Variants in RIMBP2 observed in about 807,000 individuals in gnomAD.
RIMBP2 encodes the protein RIMS-binding protein 2.
RIMBP2 carries 48 observed loss-of-function variants against 118.6 expected under a neutral mutation model. The ratio of observed to expected loss-of-function variants is 0.40; its 90% CI spans 0.32 to 0.51. RIMBP2 has a LOEUF of 0.51. Among genes scored for constraint, RIMBP2 ranks in the 20% least tolerant of loss-of-function variants. The pLI, the probability that RIMBP2 is intolerant of heterozygous loss-of-function variation, is 0.41. For synonymous variants in RIMBP2, 762 were observed against 742.9 expected, an observed-to-expected ratio of 1.03 and a Z score of -0.42; for missense variants, 1,551 against 1,768.3, an observed-to-expected ratio of 0.88 and a Z score of 2.20.
At chr12:130,435,326 G>C (rs1239041336) in intron 13 of RIMBP2, among the ~76,000 whole-genome samples, 1 of 152,184 alleles carries the variant, frequency 6.6e-6, no homozygotes, top group Non-Finnish European at 1.5e-5. Context: ...TTACAGGCAT[G>C]AGCCACCGCG....
At chr12:130,428,459 C>A (rs369852485) in intron 14 of RIMBP2, 122 bp from the exon 15 acceptor site, 37 of 989,022 alleles carry the variant, frequency 3.7e-5, no homozygotes, top group Non-Finnish European at 5.2e-5. Flanking sequence ...GGCCTAGAGA[C>A]GGGCACAGGG....
intron 4 of RIMBP2, among the ~76,000 whole-genome samples, chr12:130,505,833 C>G (rs1207794072): frequency 6.9e-5 from 1 of 14,390 alleles, no homozygotes; most frequent in Non-Finnish European, 1.3e-4. Flanking sequence ...CCCCCCACCC[C>G]CAGCACCCCC....
Position 130,655,907 on chromosome 12 carries a change from A to G in RIMBP2, c.-351-27451T>C, listed in dbSNP as rs552883888. Among the ~76,000 whole-genome samples the G allele has an allele frequency of 2.6e-5, 4 of 152,316 alleles. No individual in the cohort carries two copies. The East Asian group carries it at 7.7e-4, about 30-fold the overall frequency. On this transcript the variant is annotated intron_variant, in intron 1 of 22. Transcript: ENST00000690449. ...CACCACGCAGCCCATGGCAGAGGAG[A>G]CAAGAGGGAAGATGCTGGGAGAGCC...
rs995490391 is a variant in RIMBP2, at chr12:130,553,556, C to T, written c.-216-35639G>A. 6.6e-5 allele frequency among the ~76,000 whole-genome samples: 10 copies of T among 152,034 alleles called. No homozygotes were observed. In the East Asian group the frequency reaches 1.7e-3, roughly 26 times the overall value. ...CCCAGGAGTTCAAGAACAGCCTGGG[C>T]AACATGGCAGAAACCCGTCTCTACC... On this transcript the variant is annotated intron_variant, in intron 2 of 22. Transcript: ENST00000690449.
intron 1 of RIMBP2, among the ~76,000 whole-genome samples, chr12:130,687,508 G>A (rs991492084): frequency 7.9e-5 from 12 of 152,142 alleles, no homozygotes; most frequent in Admixed American, 2.6e-4. Context: ...ATGTGTGAAA[G>A]GTGGTCTTTG....
At chr12:130,461,157 A>G (rs6486540) in intron 6 of RIMBP2, among the ~76,000 whole-genome samples, 143,428 of 152,154 alleles carry the variant, frequency 0.94, 68,195 homozygotes, top group East Asian at 1. Flanking sequence ...CCCTAGCCAC[A>G]CTGCCCTGCT....
At chr12:130,712,500 T>G (rs1408761719) in intron 1 of RIMBP2, among the ~76,000 whole-genome samples, 3 of 152,154 alleles carry the variant, frequency 2.0e-5, no homozygotes, top group African/African-American at 7.2e-5. Context: ...GCCTTCCACC[T>G]GCACGTCCTG....
intron 1 of RIMBP2, among the ~76,000 whole-genome samples, chr12:130,654,995 G>T (rs936492328): frequency 6.6e-6 from 1 of 152,194 alleles, no homozygotes; most frequent in Non-Finnish European, 1.5e-5. Context: ...ACCTGCTCCC[G>T]TGACCCAAAC....
intron 2 of RIMBP2, among the ~76,000 whole-genome samples, chr12:130,571,258 C>G (rs535849242): frequency 1.3e-5 from 2 of 151,846 alleles, no homozygotes; most frequent in Non-Finnish European, 2.9e-5. Context: ...GAGGCCATGA[C>G]AGAAAACAGC....
chr12:130,482,374 T>C (rs538090883), intron 4 of RIMBP2, among the ~76,000 whole-genome samples: 2 of 152,274 alleles, frequency 1.3e-5, no homozygotes, highest in East Asian at 3.9e-4. Flanking sequence ...CGTGTCTTCA[T>C]GAGAGAACAC....
chr12:130,441,797 A>G (rs754494118), intron 11 of RIMBP2, 51 bp downstream of exon 11: 20 of 1,515,544 alleles, frequency 1.3e-5, no homozygotes, highest in Non-Finnish European at 1.7e-5. Context: ...TAGCAGGGTG[A>G]CATCCTGGCG....
intron 2 of RIMBP2, among the ~76,000 whole-genome samples, chr12:130,554,473 C>G (rs1566252785): frequency 6.6e-6 from 1 of 152,164 alleles, no homozygotes; most frequent in Non-Finnish European, 1.5e-5. Flanking sequence ...GAAATGGATA[C>G]AATATACGGC....
intron 2 of RIMBP2, among the ~76,000 whole-genome samples, chr12:130,564,277 T>G (rs2057050151): frequency 6.6e-6 from 1 of 152,110 alleles, no homozygotes; most frequent in East Asian, 1.9e-4. Flanking sequence ...CTTTTACAAC[T>G]TCTCAGATGT....
chr12:130,528,700 A>G (rs1482130729), intron 2 of RIMBP2, among the ~76,000 whole-genome samples: 1 of 152,242 alleles, frequency 6.6e-6, no homozygotes, highest in Admixed American at 6.5e-5. Flanking sequence ...AACATAGTTA[A>G]ATTTATATTT....
intron 4 of RIMBP2, among the ~76,000 whole-genome samples, chr12:130,489,379 G>A (rs1214017762): frequency 6.6e-6 from 1 of 151,964 alleles, no homozygotes; most frequent in African/African-American, 2.4e-5. Context: ...AACTGCCTCA[G>A]GTCTCTCAGA....
chr12:130,497,109 T>C (rs1434973576), intron 4 of RIMBP2, among the ~76,000 whole-genome samples: 1 of 152,174 alleles, frequency 6.6e-6, no homozygotes, highest in Admixed American at 6.5e-5. Flanking sequence ...TCTGTGTCTC[T>C]ATCCAAACTC....
intron 2 of RIMBP2, among the ~76,000 whole-genome samples, chr12:130,531,992 T>C (rs1436803023): frequency 2.1e-5 from 2 of 95,160 alleles, no homozygotes; most frequent in Admixed American, 1.1e-4. Flanking sequence ...AGGAGGTACG[T>C]CTAATGAGAT....
chr12:130,706,368 G>A (rs1016859766), intron 1 of RIMBP2, among the ~76,000 whole-genome samples: 1 of 152,260 alleles, frequency 6.6e-6, no homozygotes, highest in Non-Finnish European at 1.5e-5. Flanking sequence ...GACAACGAAA[G>A]CGCAGAGAGG....
Position 130,703,606 on chromosome 12 carries a change from T to A in RIMBP2, c.-352+12616A>T, listed in dbSNP as rs573552696. ...AGATCCCGTAATCGGATCCGGGCGC[T>A]TTAGCCCTCACGTGACTAGGGGCCA... On this transcript the variant is annotated intron_variant, in intron 1 of 22. Transcript: ENST00000690449. The surrounding 1 kb of genome is among the most constrained non-coding windows in gnomAD (Gnocchi z 5.7). Among the ~76,000 whole-genome samples the A allele has an allele frequency of 4.6e-5, 7 of 152,246 alleles. No individual in the cohort carries two copies. In the East Asian group the frequency reaches 1.4e-3, roughly 30 times the overall value.
Sources: allele counts gnomAD v4.1 joint callset (sites outside exome capture counted in the v4.1 genomes callset), GRCh38; gene constraint gnomAD v4.1.1; non-coding constraint Gnocchi (gnomAD v3.1); transcripts MANE v1.5; gene names NCBI Gene and HGNC (gene_info 2026-07-23, HGNC 2026-07-21).